IQSEC3: variants seen among roughly 807,000 people sequenced by gnomAD.
IQSEC3 encodes the protein IQ motif and SEC7 domain-containing protein 3.
A neutral mutation model predicts 105.4 loss-of-function variants in IQSEC3; 50 were observed. The observed-to-expected ratio is 0.47, with a 90% CI of 0.38 to 0.60. The LOEUF is 0.60. Among genes scored for constraint, IQSEC3 ranks in the 20% least tolerant of loss-of-function variants. The probability of loss-of-function intolerance (pLI) is 0.00; values close to 1 mark genes in which losing one functional copy is unlikely to be tolerated. For synonymous variants in IQSEC3, 708 were observed against 746.0 expected (o/e 0.95, Z 0.83); for missense variants, 1,415 against 1,630.0 (o/e 0.87, Z 2.27).
At chr12:146,745 T>G (rs1225301570) in intron 5 of IQSEC3, among the ~76,000 whole-genome samples, 3 of 150,690 alleles carry the variant, frequency 2.0e-5, no homozygotes, top group Non-Finnish European at 4.4e-5. Context: ...GAGAGATAGA[T>G]AGAGAGAGAC....
At chr12:135,913 A>G (rs145772820) in intron 3 of IQSEC3, among the ~76,000 whole-genome samples, 1 of 152,354 alleles carries the variant, frequency 6.6e-6, no homozygotes, top group African/African-American at 2.4e-5. Flanking sequence ...TCCCGAGCAG[A>G]TAACCCAGAT....
intron 1 of IQSEC3, among the ~76,000 whole-genome samples, chr12:71,591 C>T (rs1428705078): frequency 2.6e-5 from 4 of 152,280 alleles, no homozygotes; most frequent in Non-Finnish European, 5.9e-5. Flanking sequence ...GGAAAGGGAA[C>T]AGAAAGCAGA....
At chr12:112,988 A>G (rs1053101614) in intron 2 of IQSEC3, among the ~76,000 whole-genome samples, 24 of 152,166 alleles carry the variant, frequency 1.6e-4, no homozygotes, top group Non-Finnish European at 4.4e-5. Context: ...CACCCCACTC[A>G]TAGTCCTGCA....
intron 11 of IQSEC3, 118 bp from the exon 12 acceptor site, chr12:168,894 GC>G: frequency 1.2e-6 from 1 of 832,918 alleles, no homozygotes; most frequent in Non-Finnish European, 2.0e-6. Flanking sequence ...GTGTTTCACA[GC>G]ATGTACTGGG....
chr12:101,968 G>A (rs1166324622), intron 2 of IQSEC3, among the ~76,000 whole-genome samples: 4 of 152,172 alleles, frequency 2.6e-5, no homozygotes, highest in Admixed American at 6.5e-5. Context: ...AGCTCCTCTA[G>A]TGGAATGTGT....
intron 5 of IQSEC3, chr12:141,709 G>T (rs555284331): frequency 5.6e-6 from 1 of 180,066 alleles, no homozygotes; most frequent in East Asian, 1.5e-4. Context: ...ATCGCTGGAG[G>T]CAAAAATGTG....
Position 139,244 on chromosome 12 carries a change from G to A in IQSEC3, c.1881G>A (p.Leu627=), listed in dbSNP as rs1555088331. The A allele has an allele frequency of 6.2e-7, 1 of 1,608,476 alleles. No homozygotes were observed. The highest frequency in any genetic ancestry group is 8.5e-7 in the Non-Finnish European group (1 of 1,178,260). Residue 627 remains leucine, a synonymous_variant, in exon 4 of 14, where the codon CTG becomes CTA. Coordinates refer to ENST00000538872, the MANE Select transcript of IQSEC3 (RefSeq NM_001170738.2). ...AGGACGCCCTGCAGGCCATGATCCT[G>A]AGCCTGCCGCGCTACCACTGCGAGA... is the stretch of plus-strand genomic sequence containing the variant. ...ASKDALQAMI[L]SLPRYHCENP... is the part of the protein sequence containing the mutation.
At chr12:142,545 G>A (rs1261680706) in intron 5 of IQSEC3, 3 of 152,128 alleles carry the variant, frequency 2.0e-5, no homozygotes, top group Non-Finnish European at 2.9e-5. Context: ...CCCTCAGCTG[G>A]GCAGAACTGA....
intron 3 of IQSEC3, among the ~76,000 whole-genome samples, chr12:126,572 T>TGTGTGTGTGTGTGTGTGC (rs1260117695): frequency 4.4e-4 from 66 of 151,382 alleles, no homozygotes; most frequent in Non-Finnish European, 3.5e-4. Flanking sequence ...TGTGTGTGTG[T>TGTGTGTGTGTGTGTGTGC]GCGCTTAGAG....
In IQSEC3 at chr12:139,031, G is replaced by A; in HGVS notation, c.1668G>A (p.Glu556=). Residue 556 remains glutamate (E), a synonymous_variant, in exon 4 of 14, where the codon GAG becomes GAA. Coordinates refer to ENST00000538872, the MANE Select transcript of IQSEC3 (RefSeq NM_001170738.2). ...EDASAEDSCA[E]AAASGAADGA... ...CGTCAGCCGAGGACTCATGCGCAGA[G>A]GCTGCGGCTAGTGGGGCGGCGGATG... The A allele has an allele frequency of 6.7e-7, 1 of 1,501,398 alleles. No homozygotes were observed. 93.0% of individuals were successfully genotyped at this position (1,501,398 alleles called of 1,614,324 possible).
At position 138,751 on chromosome 12, in the gene IQSEC3, C is replaced by T. The variant is rs1555087634; in HGVS notation, c.1388C>T (p.Pro463Leu). The T allele has an allele frequency of 3.2e-6, 5 of 1,546,614 alleles. No individual in the cohort carries two copies. In the South Asian group the frequency reaches 5.9e-5, roughly 18 times the overall value. Residue 463 changes from proline to leucine, a missense_variant, in exon 4 of 14, where the codon CCC becomes CTC. Pro to Leu is a moderately conservative substitution (Grantham distance 98, BLOSUM62 -3). This residue lies in a region of IQSEC3 where 720 missense variants were observed against 633.0 expected (regional missense o/e 1.14). Coordinates refer to ENST00000538872, the MANE Select transcript of IQSEC3 (RefSeq NM_001170738.2). The surrounding 1 kb of genome is among the most constrained non-coding windows in gnomAD (Gnocchi z 7.1). ...GRAPESAGPG[P>L]GDDAAETPGL... Reference sequence around the variant, plus strand: ...GCGCCGGAGAGCGCGGGCCCCGGGCCCGGGGATGACGCCGCGGAGACCCCC... The same window carrying T: ...GCGCCGGAGAGCGCGGGCCCCGGGCTCGGGGATGACGCCGCGGAGACCCCC...
intron 5 of IQSEC3, among the ~76,000 whole-genome samples, chr12:153,751 T>C (rs550257514): frequency 1.3e-5 from 2 of 152,200 alleles, no homozygotes; most frequent in East Asian, 1.9e-4. Context: ...GCAGCCCCGA[T>C]AGCCAGGTGG....
rs1865176817 is a variant in IQSEC3, at chr12:120,312, CG to C, written c.624-5318del. 2.0e-5 allele frequency among the ~76,000 whole-genome samples: 3 copies of C among 152,092 alleles called. No homozygotes were observed. The South Asian group carries it at 6.2e-4, about 32-fold the overall frequency. ...TCTCCAGCAGAAGGAAATCATAAAGCGGGATGGTGGCCTGAGAGGGTTCGGC... is the reference window on the plus strand; with the variant it reads ...TCTCCAGCAGAAGGAAATCATAAAGCGGATGGTGGCCTGAGAGGGTTCGGC... On this transcript the variant is annotated intron_variant, in intron 2 of 13. Transcript: ENST00000538872.
At chr12:174,224 C>G (rs1414587542) in intron 13 of IQSEC3, among the ~76,000 whole-genome samples, 1 of 152,162 alleles carries the variant, frequency 6.6e-6, no homozygotes, top group Non-Finnish European at 1.5e-5. Context: ...CAGCACACTC[C>G]TGGGAGGGGC....
chr12:140,756 C>A, intron 4 of IQSEC3: 1 of 213,250 alleles, frequency 4.7e-6, no homozygotes, highest in Non-Finnish European at 9.3e-6. Context: ...GGTCTCACCT[C>A]TGTTTCTCCC....
At chr12:163,152 T>TCC (rs1158695829) in intron 8 of IQSEC3, among the ~76,000 whole-genome samples, 1 of 60,994 alleles carries the variant, frequency 1.6e-5, no homozygotes, top group African/African-American at 7.7e-5. Flanking sequence ...CTCCCCTCCC[T>TCC]CTCCACAAAA....
At chr12:102,356 G>A (rs1209883009) in intron 2 of IQSEC3, among the ~76,000 whole-genome samples, 2 of 152,246 alleles carry the variant, frequency 1.3e-5, no homozygotes, top group East Asian at 1.9e-4. Flanking sequence ...TCAGGTGTCA[G>A]GACCTTTGTT....
At chr12:146,170 G>C (rs143548134) in intron 5 of IQSEC3, among the ~76,000 whole-genome samples, 2 of 152,244 alleles carry the variant, frequency 1.3e-5, no homozygotes, top group African/African-American at 2.4e-5. Flanking sequence ...AGTCTGGAAG[G>C]CTCTGGCCTT....
intron 1 of IQSEC3, among the ~76,000 whole-genome samples, chr12:92,362 T>A (rs1555073696): frequency 6.6e-6 from 1 of 152,208 alleles, no homozygotes; most frequent in African/African-American, 2.4e-5. Flanking sequence ...GCCGCAGAAC[T>A]CGCAGGGCCA....
Sources: gnomAD v4.1 joint callset for allele counts (sites outside exome capture counted in the v4.1 genomes callset) on GRCh38, gnomAD v4.1.1 for gene constraint, gnomAD v4.1.1 regional missense constraint, Gnocchi (gnomAD v3.1) non-coding constraint, MANE v1.5 for transcripts, NCBI Gene and HGNC (gene_info 2026-07-23, HGNC 2026-07-21) for gene names.